ITGA7: variants seen among roughly 807,000 people sequenced by gnomAD.
ITGA7 encodes integrin alpha-7.
ITGA7 carries 84 observed loss-of-function variants against 131.6 expected under a neutral mutation model. That is an observed-to-expected ratio of 0.64 (90% CI 0.54 to 0.77). The LOEUF (loss-of-function observed/expected upper bound fraction) is 0.77. Ranked by LOEUF, ITGA7 falls within the 30% of genes least tolerant of loss-of-function variation. ITGA7 has a pLI of 0.00. For missense variants in ITGA7, 1,399 were observed against 1,482.9 expected (o/e 0.94, Z 0.93); for synonymous variants, 548 against 600.7 (o/e 0.91, Z 1.28).
At position 55,707,821 on chromosome 12, in the gene ITGA7, C is replaced by CCCCGA; in HGVS notation, c.-140_-139insTCGGG. 1 of 775,660 alleles carries CCCCGA rather than the reference C, an allele frequency of 1.3e-6. No homozygotes were observed. Among genetic ancestry groups the CCCCGA allele is most frequent in the Non-Finnish European group, 2.1e-6 (1 of 484,180 alleles). 48.0% of individuals were successfully genotyped at this position (775,660 alleles called of 1,614,324 possible). On this transcript the variant is annotated 5_prime_UTR_variant, in exon 1 of 25. Coordinates refer to ENST00000257879, the MANE Select transcript of ITGA7 (RefSeq NM_002206.3). ...GTCTCCCAGACGTTCGCCCCGCCAG[C>CCCCGA]CCTCCCGCCCGCCCGCCGCTCCGCC...
At chr12:55,701,325 C>T in intron 3 of ITGA7, 171 bp from the exon 4 acceptor site, 2 of 1,563,110 alleles carry the variant, frequency 1.3e-6, no homozygotes, top group Non-Finnish European at 1.7e-6. Flanking sequence ...AGCACCATTA[C>T]CCTGCCAGTG....
At chr12:55,695,724 T>A in intron 13 of ITGA7, 87 bp from the exon 14 acceptor site, 2 of 899,554 alleles carry the variant, frequency 2.2e-6, no homozygotes, top group Non-Finnish European at 3.7e-6. Context: ...GGTTAGAGTA[T>A]CACAGGATTA....
chr12:55,693,942 C>G (rs1371292046), intron 19 of ITGA7, 79 bp downstream of exon 19: 58 of 1,160,922 alleles, frequency 5.0e-5, no homozygotes, highest in Middle Eastern at 2.1e-4. Context: ...AGAGCCCCAG[C>G]CCTGGGGACA....
Position 55,698,984 on chromosome 12 carries a change from T to C in ITGA7, c.791-67A>G, listed in dbSNP as rs1592456428. 7.7e-6 allele frequency: 11 copies of C among 1,424,690 alleles called. No individual in the cohort carries two copies. In the South Asian group the frequency reaches 1.2e-4, roughly 16 times the overall value. 88.3% of individuals were successfully genotyped at this position (1,424,690 alleles called of 1,614,324 possible). On this transcript the variant is annotated intron_variant, in intron 5 of 24. Transcript: ENST00000257879. ...CTCAGAAGCTGGGGTGTGTCACAGCTCCCCCAGCCCCTGCCCCCTCCCTAC... is the reference window on the plus strand; with the variant it reads ...CTCAGAAGCTGGGGTGTGTCACAGCCCCCCCAGCCCCTGCCCCCTCCCTAC...
intron 3 of ITGA7, chr12:55,701,357 C>CTGT (rs759265512): frequency 1.3e-6 from 2 of 1,553,720 alleles, no homozygotes; most frequent in Non-Finnish European, 1.7e-6. Flanking sequence ...CATGCATAAC[C>CTGT]CAGCAACCTG....
At chr12:55,707,442 G>C (rs768739449) in intron 1 of ITGA7, 35 bp downstream of exon 1, 1 of 1,551,288 alleles carries the variant, frequency 6.4e-7, no homozygotes, top group Non-Finnish European at 8.9e-7. Context: ...TCTGTGGCTC[G>C]GGCATGGCGA....
chr12:55,712,356 C>G (rs1384341859), upstream of ITGA7: 2 of 889,606 alleles, frequency 2.2e-6, no homozygotes, highest in Non-Finnish European at 3.7e-6. Flanking sequence ...AACCCCCTCT[C>G]TTGAAGCCCA....
In ITGA7 at chr12:55,694,569, C is replaced by T. The variant is rs766731779; in HGVS notation, c.2277+46G>A. ...ATTAGAGTCAGGGGTGGTCTACGGGCTTATGGAGAGGCTACTCACGTAGGG... is the reference window on the plus strand; with the variant it reads ...ATTAGAGTCAGGGGTGGTCTACGGGTTTATGGAGAGGCTACTCACGTAGGG... On this transcript the variant is annotated intron_variant, in intron 16 of 24. Transcript: ENST00000257879. The surrounding 1 kb of genome is among the most constrained non-coding windows in gnomAD (Gnocchi z 5.3). 1.5e-5 allele frequency: 25 copies of T among 1,613,076 alleles called. No individual in the cohort carries two copies. The South Asian group carries it at 2.7e-4, about 18-fold the overall frequency.
intron 19 of ITGA7, 29 bp from the exon 20 acceptor site, chr12:55,693,346 A>C: frequency 1.3e-6 from 2 of 1,529,394 alleles, no homozygotes; most frequent in Non-Finnish European, 9.0e-7. Flanking sequence ...ATGAGGGGAG[A>C]GACCTCAGTT....
rs753481574 is a variant in ITGA7 at position 55,697,457 on chromosome 12, G to A, written c.1499C>T (p.Ser500Leu). 1.2e-5 allele frequency: 20 copies of A among 1,613,850 alleles called. No homozygotes were observed. The highest frequency in any genetic ancestry group is 3.3e-5 in the Admixed American group (2 of 60,006). The change falls in exon 10 of 25, where the codon TCG becomes TTG. Residue 500 changes from serine (S) to leucine (L), a missense_variant. By Grantham distance (145) the Ser-to-Leu change is moderately radical (BLOSUM62 -2). Coordinates refer to ENST00000257879, the MANE Select transcript of ITGA7 (RefSeq NM_002206.3). ...LEQPNCAGGH[S>L]VCVDLRVCFS... ...CCACCCGATCCCACCTCACCAGACCGAGTGGCCGCCAGCACAGTTGGGCTG... is the reference window on the plus strand; with the variant it reads ...CCACCCGATCCCACCTCACCAGACCAAGTGGCCGCCAGCACAGTTGGGCTG...
At chr12:55,705,104 T>G (rs1302014705) in intron 1 of ITGA7, among the ~76,000 whole-genome samples, 6 of 152,086 alleles carry the variant, frequency 3.9e-5, no homozygotes, top group Non-Finnish European at 8.8e-5. Context: ...CCTTGTTCTA[T>G]GTTCACATCT....
chr12:55,700,947 C>T lies in ITGA7; in HGVS notation c.622G>A (p.Asp208Asn), dbSNP rs1168695605. The T allele has an allele frequency of 6.2e-7, 1 of 1,614,218 alleles. No homozygotes were observed. Among genetic ancestry groups the T allele is most frequent in the Non-Finnish European group, 8.5e-7 (1 of 1,180,030 alleles). The change falls in exon 4 of 25, where the codon GAT (aspartate) becomes AAT (asparagine). Residue 208 changes from aspartate to asparagine, a missense_variant. By Grantham distance (23) the Asp-to-Asn change is conservative. Transcript: ENST00000257879. ...QQGTAAAFSP[D>N]SHYLLFGAPG... ...GCCCCAAAGAGGAGGTAGTGGCTATCAGGGGAGAAGGCGGCAGCTGTGCCC... is the reference window on the plus strand; with the variant it reads ...GCCCCAAAGAGGAGGTAGTGGCTATTAGGGGAGAAGGCGGCAGCTGTGCCC...
chr12:55,697,338 CA>C, intron 10 of ITGA7, 61 bp from the exon 11 acceptor site: 1 of 1,576,692 alleles, frequency 6.3e-7, no homozygotes, highest in South Asian at 1.1e-5. Context: ...CCCCTACCCC[CA>C]CCCCATCTGT....
upstream of ITGA7, among the ~76,000 whole-genome samples, chr12:55,711,602 C>T (rs1876125043): frequency 1.3e-5 from 2 of 151,908 alleles, no homozygotes; most frequent in Non-Finnish European, 2.9e-5. Flanking sequence ...GTACTTCAGC[C>T]TGGGCAACAG....
At position 55,698,448 on chromosome 12, in the gene ITGA7, G is replaced by A. The variant is rs766429574; in HGVS notation, c.1127C>T (p.Ser376Phe). 1.2e-6 allele frequency: 2 copies of A among 1,613,594 alleles called. No homozygotes were observed. Among genetic ancestry groups the A allele is most frequent in the South Asian group, 2.2e-5 (2 of 91,048 alleles). The part of the protein sequence containing the change: ...AGISPLRLCG[S>F]PDSMFGISLA... ...GCTGATCCCGAACATGGAGTCAGGG[G>A]AGCCGCAGAGCCGGAGAGGGGAGAT... The change falls in exon 7 of 25, where the codon TCC becomes TTC. Residue 376 changes from serine (S) to phenylalanine (F), a missense_variant. Ser to Phe is a radical substitution (Grantham distance 155, BLOSUM62 -2). Transcript: ENST00000257879.
chr12:55,697,208 G>A lies in ITGA7; in HGVS notation c.1567+8C>T, dbSNP rs755842392. 1.9e-4 allele frequency: 305 copies of A among 1,593,608 alleles called. No individual in the cohort carries two copies. The highest frequency in any genetic ancestry group is 2.5e-4 in the Non-Finnish European group (294 of 1,170,252). ...AAGGGCGAGCCACAGAGGGGGGACC[G>A]CACTCACCCACAGTAGGGCTATAGC... On this transcript the variant is annotated splice_region_variant and intron_variant, in intron 11 of 24. Transcript: ENST00000257879.
At chr12:55,700,215 G>A (rs984255180) in intron 4 of ITGA7, 1 of 1,568,834 alleles carries the variant, frequency 6.4e-7, no homozygotes. Flanking sequence ...GGACAAGAGA[G>A]AGGAGCAGAG....
rs947369641 is a variant in ITGA7, at chr12:55,688,307, G to C, written c.2959-7C>G. The C allele has an allele frequency of 3.2e-5, 52 of 1,604,138 alleles. No homozygotes were observed. Among genetic ancestry groups the C allele is most frequent in the Non-Finnish European group, 4.3e-5 (50 of 1,171,084 alleles). On this transcript the variant is annotated splice_polypyrimidine_tract_variant and splice_region_variant and intron_variant, in intron 22 of 24. Coordinates refer to ENST00000257879, the MANE Select transcript of ITGA7 (RefSeq NM_002206.3). ...ACTTCACAGCTGAGTACTCCTAAGG[G>C]AACAGGGAAGGAGACCCTTCTCCTA...
At chr12:55,712,694 C>A (rs1048400902), upstream of ITGA7, among the ~76,000 whole-genome samples, 4 of 152,176 alleles carry the variant, frequency 2.6e-5, no homozygotes. Context: ...CTACCAAGGA[C>A]AAGTGAAGCT....
Sources: allele counts gnomAD v4.1 joint callset (sites outside exome capture counted in the v4.1 genomes callset), GRCh38; gene constraint gnomAD v4.1.1; non-coding constraint Gnocchi (gnomAD v3.1); transcripts MANE v1.5; gene names NCBI Gene and HGNC (gene_info 2026-07-23, HGNC 2026-07-21).